CDIN1: variants seen among roughly 807,000 people sequenced by gnomAD.
The protein encoded by CDIN1 is CDAN1-interacting nuclease 1.
Under a neutral mutation model 45.3 loss-of-function variants are expected in CDIN1, and 33 were observed. The observed-to-expected ratio is 0.73, with a 90% CI of 0.55 to 0.97. The LOEUF (loss-of-function observed/expected upper bound fraction) is 0.97, where lower values mean the gene tolerates loss of function less well. Ranked by LOEUF, CDIN1 falls within the 50% of genes least tolerant of loss-of-function variation. The probability of loss-of-function intolerance (pLI) is 0.00; values close to 1 mark genes in which losing one functional copy is unlikely to be tolerated. For missense variants in CDIN1, 303 were observed against 339.4 expected (o/e 0.89, Z 0.84); for synonymous variants, 118 against 124.4 (o/e 0.95, Z 0.34).
At chr15:36,589,750 C>T (rs1214136298) in intron 1 of CDIN1, among the ~76,000 whole-genome samples, 1 of 152,120 alleles carries the variant, frequency 6.6e-6, no homozygotes, top group South Asian at 2.1e-4. Context: ...GTGATCTGCC[C>T]GCCTCGGCCT....
chr15:36,621,624 A>C (rs1244818190), intron 1 of CDIN1, among the ~76,000 whole-genome samples: 1 of 152,198 alleles, frequency 6.6e-6, no homozygotes. Context: ...AAAAGTGCTT[A>C]TTTTGGTTTA....
intron 10 of CDIN1, among the ~76,000 whole-genome samples, chr15:36,766,870 G>T (rs2053937866): frequency 2.6e-5 from 4 of 152,112 alleles, no homozygotes; most frequent in Admixed American, 2.0e-4. Context: ...CATTCTGAAG[G>T]TTGCCTTTTC....
chr15:36,769,906 C>T (rs1235737148), intron 10 of CDIN1, among the ~76,000 whole-genome samples: 1 of 152,168 alleles, frequency 6.6e-6, no homozygotes, highest in East Asian at 1.9e-4. Flanking sequence ...AGGGTACCCA[C>T]CGGCAATTTT....
intron 1 of CDIN1, among the ~76,000 whole-genome samples, chr15:36,633,035 G>A (rs989693349): frequency 5.3e-5 from 8 of 152,166 alleles, no homozygotes; most frequent in African/African-American, 1.9e-4. Context: ...AGAAAAGGGT[G>A]GGACTTAGAG....
rs147416059 is a variant in CDIN1, at chr15:36,801,310, G to A, written c.717-7014G>A. Among the ~76,000 whole-genome samples, 1,123 of 152,016 alleles carry A rather than the reference G, an allele frequency of 7.4e-3. 56 individuals carry two copies. The highest frequency in any genetic ancestry group is 0.064 in the Admixed American group (972 of 15,248). ...GTACATAAATCCCACACCTTTCACC[G>A]TCTTATTACCAAAAGAGATGTAAAA... On this transcript the variant is annotated intron_variant, in intron 10 of 10. Transcript: ENST00000566621.
chr15:36,708,171 G>A (rs1259679465), intron 8 of CDIN1: 1 of 152,136 alleles, frequency 6.6e-6, no homozygotes, highest in African/African-American at 2.4e-5. Flanking sequence ...AAATGGATTG[G>A]AAATAAGCTA....
chr15:36,721,087 T>C (rs2043400374), intron 10 of CDIN1, among the ~76,000 whole-genome samples: 1 of 110,806 alleles, frequency 9.0e-6, no homozygotes, highest in Non-Finnish European at 1.9e-5. Context: ...TTTTGAGAAA[T>C]GTCTGTTCAT....
At chr15:36,667,799 C>T (rs2041306481) in intron 5 of CDIN1, among the ~76,000 whole-genome samples, 1 of 152,028 alleles carries the variant, frequency 6.6e-6, no homozygotes, top group South Asian at 2.1e-4. Flanking sequence ...GAACAACATT[C>T]TTGGAAAATA....
At chr15:36,674,843 A>G (rs2041587114) in intron 5 of CDIN1, among the ~76,000 whole-genome samples, 1 of 152,130 alleles carries the variant, frequency 6.6e-6, no homozygotes, top group Non-Finnish European at 1.5e-5. Flanking sequence ...CTCAAGGGGA[A>G]AATATAACTC....
intron 8 of CDIN1, among the ~76,000 whole-genome samples, chr15:36,698,679 C>T (rs1440273904): frequency 6.6e-6 from 1 of 152,126 alleles, no homozygotes; most frequent in East Asian, 1.9e-4. Context: ...TATGTCATGG[C>T]CAAGTCTATT....
intron 10 of CDIN1, chr15:36,747,209 A>G: frequency 2.6e-6 from 1 of 379,228 alleles, no homozygotes; most frequent in East Asian, 3.8e-5. Flanking sequence ...TTGTTATATT[A>G]TCTCTCTAAA....
At chr15:36,788,091 TATATATATATATA>T (rs1376454338) in intron 10 of CDIN1, among the ~76,000 whole-genome samples, 791 of 11,760 alleles carry the variant, frequency 0.067, 11 homozygotes, top group Non-Finnish European at 0.12. Flanking sequence ...TATATATATA[TATATATATATATA>T]TATTTTTTTT....
chr15:36,652,012 G>A (rs2140441730), intron 3 of CDIN1, among the ~76,000 whole-genome samples: 1 of 152,324 alleles, frequency 6.6e-6, no homozygotes, highest in South Asian at 2.1e-4. Context: ...TGGTATAAAA[G>A]GTAGTCTGGC....
chr15:36,613,665 G>A (rs774265380), intron 1 of CDIN1: 41 of 1,436,378 alleles, frequency 2.9e-5, no homozygotes, highest in Admixed American at 2.7e-4. Flanking sequence ...GAGCTGGACC[G>A]TGCTCAGGAG....
intron 1 of CDIN1, among the ~76,000 whole-genome samples, chr15:36,585,644 G>A (rs1595704938): frequency 6.6e-6 from 1 of 152,228 alleles, no homozygotes; most frequent in East Asian, 1.9e-4. Flanking sequence ...GATTAAGGTG[G>A]TGTCTGCCTT....
intron 4 of CDIN1, among the ~76,000 whole-genome samples, chr15:36,654,653 A>G (rs1325614866): frequency 6.6e-6 from 1 of 151,980 alleles, no homozygotes; most frequent in Non-Finnish European, 1.5e-5. Context: ...CTCCTTCTTT[A>G]TATGAAGAAG....
chr15:36,691,283 A>C (rs1436980193), intron 5 of CDIN1: 1 of 463,510 alleles, frequency 2.2e-6, no homozygotes, highest in Admixed American at 2.5e-5. Flanking sequence ...AGATTCAAAG[A>C]CTTCAGATCT....
At chr15:36,589,511 C>T (rs1178662483) in intron 1 of CDIN1, among the ~76,000 whole-genome samples, 1 of 145,388 alleles carries the variant, frequency 6.9e-6, no homozygotes, top group South Asian at 2.2e-4. Context: ...TTTCTTTTTT[C>T]TTTTTTTTTT....
chr15:36,698,901 C>T (rs1753235888), intron 8 of CDIN1, among the ~76,000 whole-genome samples: 1 of 152,148 alleles, frequency 6.6e-6, no homozygotes, highest in Admixed American at 6.5e-5. Context: ...TAGTCCTAGT[C>T]CTCAACTTAC....
Sources: allele counts gnomAD v4.1 joint callset (sites outside exome capture counted in the v4.1 genomes callset), GRCh38; gene constraint gnomAD v4.1.1; transcripts MANE v1.5; gene names NCBI Gene and HGNC (gene_info 2026-07-23, HGNC 2026-07-21).